EPB41L5: variants seen among roughly 807,000 people sequenced by gnomAD.
EPB41L5 encodes the protein erythrocyte membrane protein band 4.1 like 5.
Under a neutral mutation model 106.6 loss-of-function variants are expected in EPB41L5, and 55 were observed. The observed-to-expected ratio is 0.52, with a 90% CI of 0.42 to 0.65. EPB41L5 has a LOEUF of 0.65. Ranked by LOEUF, EPB41L5 falls within the 30% of genes least tolerant of loss-of-function variation. The probability of loss-of-function intolerance (pLI) is 0.00; values close to 1 mark genes in which losing one functional copy is unlikely to be tolerated. For synonymous variants in EPB41L5, 297 were observed against 306.7 expected, an observed-to-expected ratio of 0.97 and a Z score of 0.33; for missense variants, 871 against 882.1, an observed-to-expected ratio of 0.99 and a Z score of 0.16.
intron 2 of EPB41L5, among the ~76,000 whole-genome samples, chr2:120,024,750 C>T (rs975417808): frequency 5.9e-5 from 9 of 152,056 alleles, no homozygotes; most frequent in Non-Finnish European, 1.0e-4. Context: ...TGAGCCACCA[C>T]GCCCGGCCAA....
At chr2:120,132,651 C>A (rs1301665243) in intron 18 of EPB41L5, among the ~76,000 whole-genome samples, 2 of 152,196 alleles carry the variant, frequency 1.3e-5, no homozygotes, top group East Asian at 3.9e-4. Flanking sequence ...GAAAGGCTTT[C>A]CATTTTCTTG....
intron 10 of EPB41L5, among the ~76,000 whole-genome samples, chr2:120,079,794 A>G (rs937557858): frequency 2.6e-5 from 4 of 152,086 alleles, no homozygotes; most frequent in African/African-American, 9.7e-5. Context: ...CAAGGGTTAC[A>G]TTAAATGGTC....
chr2:120,091,096 G>A (rs570613953), intron 12 of EPB41L5, among the ~76,000 whole-genome samples: 1 of 152,288 alleles, frequency 6.6e-6, no homozygotes, highest in South Asian at 2.1e-4. Context: ...TATATTAAAA[G>A]TAAGGAGGCA....
intron 3 of EPB41L5, among the ~76,000 whole-genome samples, chr2:120,071,829 A>T (rs1403242213): frequency 6.6e-6 from 1 of 152,208 alleles, no homozygotes. Context: ...TAAAAACCCT[A>T]GAAGAAAACC....
chr2:120,143,280 C>T (rs373572035), intron 19 of EPB41L5, 149 bp downstream of exon 19: 7 of 968,624 alleles, frequency 7.2e-6, no homozygotes, highest in African/African-American at 5.2e-5. Context: ...CAGGGGGATA[C>T]GAAGGCTAAA....
At position 120,075,493 on chromosome 2, in the gene EPB41L5, A is replaced by G. The variant is rs750427015; in HGVS notation, c.425A>G (p.Gln142Arg). ...EELTRYLFVL[Q>R]LKQDILSGKL... The stretch of plus-strand genomic sequence containing the variant: ...TTTCTTAGGTATTTATTTGTTCTTC[A>G]GTTAAAACAAGATATTCTCAGTGGA... The change falls in exon 6 of 25, where the codon CAG becomes CGG. Residue 142 changes from glutamine to arginine, a missense_variant. Gln to Arg is a conservative substitution (Grantham distance 43). Coordinates refer to ENST00000263713, the MANE Select transcript of EPB41L5 (RefSeq NM_020909.4). 1.3e-6 allele frequency: 2 copies of G among 1,580,804 alleles called. No homozygotes were observed. The highest frequency in any genetic ancestry group is 1.7e-6 in the Non-Finnish European group (2 of 1,151,048).
rs561459180 is a variant in EPB41L5, at chr2:120,151,083, G to A, written c.1793+4794G>A. 3.9e-5 allele frequency among the ~76,000 whole-genome samples: 6 copies of A among 152,144 alleles called. No homozygotes were observed. The East Asian group carries it at 1.2e-3, about 29-fold the overall frequency. On this transcript the variant is annotated intron_variant, in intron 20 of 24. Transcript: ENST00000263713. ...TATGCCTGTAATCCAGGCTGATGTG[G>A]GAGTATTGCTTGAGCCCAGGAGTTC...
chr2:120,150,297 A>T (rs1686613639), intron 20 of EPB41L5, among the ~76,000 whole-genome samples: 1 of 151,956 alleles, frequency 6.6e-6, no homozygotes, highest in Admixed American at 6.6e-5. Flanking sequence ...ATAAATGTCT[A>T]TTCAAGTCCT....
At chr2:120,095,809 C>T (rs1446040631) in intron 14 of EPB41L5, among the ~76,000 whole-genome samples, 1 of 152,046 alleles carries the variant, frequency 6.6e-6, no homozygotes, top group Non-Finnish European at 1.5e-5. Context: ...GCTGGGATTA[C>T]AGGCACGCAC....
Position 120,077,096 on chromosome 2 carries a change from C to T in EPB41L5, c.626+5C>T. 1.2e-6 allele frequency: 2 copies of T among 1,609,082 alleles called. No individual in the cohort carries two copies. The highest frequency in any genetic ancestry group is 1.1e-5 in the South Asian group (1 of 89,628). ...TGAGAAATGGAAGGAATACAGGTAT[C>T]TGGCGTTTGACCATACTTTCTTTAA... On this transcript the variant is annotated splice_donor_5th_base_variant and intron_variant, in intron 8 of 24. Transcript: ENST00000263713.
intron 14 of EPB41L5, among the ~76,000 whole-genome samples, chr2:120,099,705 C>T (rs1382957225): frequency 2.0e-5 from 3 of 152,126 alleles, no homozygotes; most frequent in Non-Finnish European, 4.4e-5. Flanking sequence ...GGATTACAGG[C>T]GTGAGCCACC....
intron 3 of EPB41L5, among the ~76,000 whole-genome samples, chr2:120,053,669 T>G (rs1025721601): frequency 6.6e-6 from 1 of 152,232 alleles, no homozygotes; most frequent in Non-Finnish European, 1.5e-5. Flanking sequence ...GGTTGATTCC[T>G]TTTTATTGCT....
intron 21 of EPB41L5, among the ~76,000 whole-genome samples, chr2:120,163,802 A>T (rs1013485695): frequency 1.5e-4 from 23 of 151,296 alleles, no homozygotes; most frequent in African/African-American, 5.3e-4. Context: ...TAAAAAAAAA[A>T]TTGGCTGGGC....
chr2:120,141,910 A>G (rs1686189343), intron 18 of EPB41L5, among the ~76,000 whole-genome samples: 2 of 152,200 alleles, frequency 1.3e-5, no homozygotes, highest in African/African-American at 2.4e-5. Flanking sequence ...CCTAACAGTC[A>G]TCTGACCAAG....
intron 3 of EPB41L5, among the ~76,000 whole-genome samples, chr2:120,060,744 T>C (rs1680981199): frequency 6.6e-6 from 1 of 152,210 alleles, no homozygotes; most frequent in Non-Finnish European, 1.5e-5. Context: ...GAACTATACA[T>C]GCACATTGTA....
At chr2:120,161,563 C>A (rs761712704) in intron 21 of EPB41L5, among the ~76,000 whole-genome samples, 1 of 152,130 alleles carries the variant, frequency 6.6e-6, no homozygotes, top group Non-Finnish European at 1.5e-5. Context: ...TACAGTGTTG[C>A]ATGCAAATAG....
At chr2:120,089,433 T>G (rs1306747502) in intron 11 of EPB41L5, among the ~76,000 whole-genome samples, 1 of 152,164 alleles carries the variant, frequency 6.6e-6, no homozygotes, top group African/African-American at 2.4e-5. Context: ...TAGAATTGTT[T>G]TAAAAACTTG....
At chr2:120,142,603 G>T (rs1006816630) in intron 18 of EPB41L5, among the ~76,000 whole-genome samples, 1 of 152,152 alleles carries the variant, frequency 6.6e-6, no homozygotes, top group African/African-American at 2.4e-5. Flanking sequence ...TTAGTAAATA[G>T]TAAAGGACCA....
chr2:120,161,315 T>A (rs146771640), intron 21 of EPB41L5, among the ~76,000 whole-genome samples: 1 of 151,016 alleles, frequency 6.6e-6, no homozygotes, highest in Non-Finnish European at 1.5e-5. Context: ...GAGGTGGAGA[T>A]TGCAGTGAAC....
Sources: gnomAD v4.1 joint callset for allele counts (sites outside exome capture counted in the v4.1 genomes callset) on GRCh38, gnomAD v4.1.1 for gene constraint, MANE v1.5 for transcripts, NCBI Gene and HGNC (gene_info 2026-07-23, HGNC 2026-07-21) for gene names.